CDC14B: variants seen among roughly 807,000 people sequenced by gnomAD.
CDC14B encodes the protein cell division cycle 14B.
A neutral mutation model predicts 64.2 loss-of-function variants in CDC14B; 22 were observed. The ratio of observed to expected loss-of-function variants is 0.34; its 90% CI spans 0.24 to 0.49. The LOEUF is 0.49. Ranked by LOEUF, CDC14B falls within the 20% of genes least tolerant of loss-of-function variation. The pLI is 0.99. For synonymous variants in CDC14B, 191 were observed against 215.8 expected (o/e 0.89, Z 1.01); for missense variants, 498 against 629.9 (o/e 0.79, Z 2.24).
At chr9:96,504,787 C>T (rs555962187) in intron 13 of CDC14B, among the ~76,000 whole-genome samples, 26 of 152,254 alleles carry the variant, frequency 1.7e-4, no homozygotes, top group African/African-American at 5.8e-4. Flanking sequence ...GGTGTGACAC[C>T]AGCAAAGCCA....
downstream of CDC14B, among the ~76,000 whole-genome samples, chr9:96,499,376 C>A (rs1355029404): frequency 6.6e-6 from 1 of 152,174 alleles, no homozygotes; most frequent in East Asian, 1.9e-4. Context: ...CCCTTGGGGT[C>A]CTGCCCGGCA....
At chr9:96,618,558 C>T (rs746536766) in intron 1 of CDC14B, 16 of 533,474 alleles carry the variant, frequency 3.0e-5, no homozygotes, top group South Asian at 2.0e-4. Context: ...CCGGCTGGCT[C>T]GAATGCCACC....
intron 1 of CDC14B, among the ~76,000 whole-genome samples, chr9:96,592,492 C>T (rs1242818912): frequency 6.6e-6 from 1 of 152,198 alleles, no homozygotes; most frequent in Admixed American, 6.5e-5. Context: ...AAACAGGTTG[C>T]TGGCCAGGCA....
At chr9:96,514,257 T>C (rs1021403665) in intron 12 of CDC14B, 6 of 218,440 alleles carry the variant, frequency 2.7e-5, no homozygotes, top group Non-Finnish European at 3.9e-5. Context: ...TAAGCATTAT[T>C]TGCAACTGCT....
intron 13 of CDC14B, among the ~76,000 whole-genome samples, chr9:96,509,043 T>C (rs892040885): frequency 2.0e-5 from 3 of 152,220 alleles, no homozygotes; most frequent in African/African-American, 7.2e-5. Flanking sequence ...CTTCCACTCC[T>C]GGGCTATTTA....
Position 96,515,992 on chromosome 9 carries a change from AG to A in CDC14B, c.1344-6204del, listed in dbSNP as rs1405798452. 3.9e-5 allele frequency among the ~76,000 whole-genome samples: 6 copies of A among 152,220 alleles called. No individual in the cohort carries two copies. Among genetic ancestry groups the A allele is most frequent in the Admixed American group, 2.0e-4 (3 of 15,284 alleles). ...GAATAAAAAAATGCTGTGTTTAAAC[AG>A]GTTTCATACTTTGGGACTCAGTCAC... On this transcript the variant is annotated intron_variant, in intron 12 of 13. Coordinates refer to ENST00000375241, the MANE Select transcript of CDC14B (RefSeq NM_033331.4). This position sits in a 1 kb window ranked among gnomAD's most constrained non-coding sequence, Gnocchi z 4.3.
intron 1 of CDC14B, among the ~76,000 whole-genome samples, chr9:96,580,729 T>C (rs1040784681): frequency 2.6e-5 from 4 of 152,114 alleles, no homozygotes; most frequent in Admixed American, 1.3e-4. Context: ...GCAGTAAGAC[T>C]AAATGGAAAT....
intron 12 of CDC14B, among the ~76,000 whole-genome samples, chr9:96,518,980 C>CA (rs1465341257): frequency 6.6e-6 from 1 of 151,790 alleles, no homozygotes. Context: ...ACTAAAAATA[C>CA]AAAAATTTAG....
chr9:96,584,378 T>C lies in CDC14B; in HGVS notation c.161-18895A>G, dbSNP rs1845344049. ...TGGCTCAGGTCCGTTTCCAGCAGTATGGTACAAAGAATTAGATTACATATG... is the reference window on the plus strand; with the variant it reads ...TGGCTCAGGTCCGTTTCCAGCAGTACGGTACAAAGAATTAGATTACATATG... On this transcript the variant is annotated intron_variant, in intron 1 of 13. Coordinates refer to ENST00000375241, the MANE Select transcript of CDC14B (RefSeq NM_033331.4). Among the ~76,000 whole-genome samples, 3 of 152,128 alleles carry C rather than the reference T, an allele frequency of 2.0e-5. No individual in the cohort carries two copies. The South Asian group carries it at 6.2e-4, about 31-fold the overall frequency.
intron 1 of CDC14B, among the ~76,000 whole-genome samples, chr9:96,592,514 G>A (rs935418851): frequency 1.7e-4 from 26 of 152,130 alleles, no homozygotes; most frequent in African/African-American, 5.6e-4. Flanking sequence ...AGCGGCTCAC[G>A]CCTGTAATCC....
chr9:96,518,238 C>T (rs1836049953), intron 12 of CDC14B, among the ~76,000 whole-genome samples: 1 of 152,118 alleles, frequency 6.6e-6, no homozygotes, highest in African/African-American at 2.4e-5. Context: ...CATGTCAGGC[C>T]AGGCGCAGTG....
intron 1 of CDC14B, 152 bp downstream of exon 1, chr9:96,619,067 G>C: frequency 2.0e-6 from 1 of 493,008 alleles, no homozygotes; most frequent in Non-Finnish European, 3.1e-6. Flanking sequence ...GGCTCCTAAA[G>C]GGGGTGTGGC....
At chr9:96,503,925 C>A in intron 13 of CDC14B, 136 bp from the exon 14 acceptor site, 1 of 659,434 alleles carries the variant, frequency 1.5e-6, no homozygotes, top group Non-Finnish European at 2.6e-6. Flanking sequence ...TTTCTAATGA[C>A]AAATACTTTG....
At chr9:96,564,053 G>GT (rs1843594308) in intron 3 of CDC14B, among the ~76,000 whole-genome samples, 1 of 151,942 alleles carries the variant, frequency 6.6e-6, no homozygotes, top group Non-Finnish European at 1.5e-5. Flanking sequence ...TTTCCTCTCT[G>GT]TATTCAATTA....
chr9:96,521,004 T>C (rs960957622), intron 12 of CDC14B, among the ~76,000 whole-genome samples: 1 of 152,174 alleles, frequency 6.6e-6, no homozygotes, highest in African/African-American at 2.4e-5. Context: ...TGAAGACTTT[T>C]AATAAGGAAA....
intron 1 of CDC14B, among the ~76,000 whole-genome samples, chr9:96,607,036 T>A (rs77812778): frequency 0.05 from 7,089 of 143,202 alleles, 538 homozygotes; most frequent in African/African-American, 0.16. Flanking sequence ...CAAAAAAATT[T>A]AAAAAAAAAA....
At chr9:96,512,639 T>A (rs1835073212) in intron 12 of CDC14B, among the ~76,000 whole-genome samples, 1 of 152,208 alleles carries the variant, frequency 6.6e-6, no homozygotes, top group African/African-American at 2.4e-5. Flanking sequence ...AAATTATTTG[T>A]TTATATAAAG....
At chr9:96,557,024 G>A (rs191602049) in intron 4 of CDC14B, among the ~76,000 whole-genome samples, 1 of 152,206 alleles carries the variant, frequency 6.6e-6, no homozygotes, top group Non-Finnish European at 1.5e-5. Flanking sequence ...AAGCTTAACG[G>A]ATCTGCAGTC....
At chr9:96,603,478 T>C (rs1048640607) in intron 1 of CDC14B, among the ~76,000 whole-genome samples, 15 of 152,168 alleles carry the variant, frequency 9.9e-5, no homozygotes, top group Non-Finnish European at 2.1e-4. Flanking sequence ...CAATGATAAA[T>C]GCGTCATGAA....
Sources: gnomAD v4.1 joint callset for allele counts (sites outside exome capture counted in the v4.1 genomes callset) on GRCh38, gnomAD v4.1.1 for gene constraint, Gnocchi (gnomAD v3.1) non-coding constraint, MANE v1.5 for transcripts, NCBI Gene and HGNC (gene_info 2026-07-23, HGNC 2026-07-21) for gene names.